ZMAT4: variants seen among roughly 807,000 people sequenced by gnomAD.
ZMAT4 encodes the protein zinc finger matrin-type 4.
Under a neutral mutation model 28.7 loss-of-function variants are expected in ZMAT4, and 17 were observed. The observed-to-expected ratio is 0.59, with a 90% CI of 0.41 to 0.89. ZMAT4 has a LOEUF of 0.89. Among genes scored for constraint, ZMAT4 ranks in the 40% least tolerant of loss-of-function variants. The pLI is 0.00. For synonymous variants in ZMAT4, 117 were observed against 109.2 expected (o/e 1.07, Z -0.44); for missense variants, 240 against 283.8 (o/e 0.85, Z 1.11).
intron 6 of ZMAT4, among the ~76,000 whole-genome samples, chr8:40,565,870 C>T (rs1302760733): frequency 2.0e-5 from 3 of 151,848 alleles, no homozygotes; most frequent in African/African-American, 4.8e-5. Context: ...ACACCACACT[C>T]CTGACAGCTG....
chr8:40,842,652 T>A (rs1383760481), intron 1 of ZMAT4, among the ~76,000 whole-genome samples: 1 of 152,206 alleles, frequency 6.6e-6, no homozygotes, highest in Non-Finnish European at 1.5e-5. Context: ...CATGAACAAC[T>A]AGGCACTTCT....
At chr8:40,763,114 T>C (rs1204241815) in intron 3 of ZMAT4, among the ~76,000 whole-genome samples, 1 of 152,206 alleles carries the variant, frequency 6.6e-6, no homozygotes, top group Non-Finnish European at 1.5e-5. Context: ...CCCTTCACCA[T>C]GCCCAGGCAT....
chr8:40,660,173 C>G (rs1468835305), intron 5 of ZMAT4, among the ~76,000 whole-genome samples: 1 of 152,162 alleles, frequency 6.6e-6, no homozygotes, highest in Non-Finnish European at 1.5e-5. Flanking sequence ...TAGGAACCCA[C>G]TTATCTAATG....
chr8:40,538,630 C>A (rs1802924366), intron 6 of ZMAT4, among the ~76,000 whole-genome samples: 1 of 152,192 alleles, frequency 6.6e-6, no homozygotes, highest in Admixed American at 6.5e-5. Flanking sequence ...CTCTTCTATT[C>A]ACTTACAGAA....
intron 5 of ZMAT4, among the ~76,000 whole-genome samples, chr8:40,661,606 T>G (rs1808199138): frequency 6.6e-6 from 1 of 152,178 alleles, no homozygotes; most frequent in Non-Finnish European, 1.5e-5. Flanking sequence ...GGAGTTAAAG[T>G]TATAATTTTA....
Position 40,777,174 on chromosome 8 carries a change from T to C in ZMAT4, c.103-9444A>G, listed in dbSNP as rs557427301. 6.6e-5 allele frequency among the ~76,000 whole-genome samples: 10 copies of C among 152,264 alleles called. No individual in the cohort carries two copies. The South Asian group carries it at 1.7e-3, about 25-fold the overall frequency. ...GGAAGGATAACAGGGATAGCAGCAA[T>C]ACTTAAAAACAAGATATTACAAAAT... On this transcript the variant is annotated intron_variant, in intron 2 of 6. Transcript: ENST00000297737.
chr8:40,835,847 C>A (rs531254910), intron 1 of ZMAT4, among the ~76,000 whole-genome samples: 1 of 152,198 alleles, frequency 6.6e-6, no homozygotes. Flanking sequence ...TCTCCTCTAC[C>A]GCATATTAAC....
intron 6 of ZMAT4, among the ~76,000 whole-genome samples, chr8:40,556,684 A>G (rs1457376595): frequency 6.6e-6 from 1 of 152,194 alleles, no homozygotes; most frequent in Non-Finnish European, 1.5e-5. Context: ...TGACTGCACC[A>G]CATGTAGAAT....
intron 5 of ZMAT4, among the ~76,000 whole-genome samples, chr8:40,648,400 G>A (rs546906406): frequency 1.1e-3 from 167 of 149,780 alleles, no homozygotes; most frequent in African/African-American, 3.9e-3. Flanking sequence ...AATGAGCAAA[G>A]CCTCCAAGAA....
At chr8:40,693,209 C>T (rs1809729576) in intron 4 of ZMAT4, among the ~76,000 whole-genome samples, 1 of 152,104 alleles carries the variant, frequency 6.6e-6, no homozygotes, top group Non-Finnish European at 1.5e-5. Flanking sequence ...ATCAACCTCC[C>T]AGGCTAAATC....
At chr8:40,756,800 T>A (rs1206630644) in intron 3 of ZMAT4, among the ~76,000 whole-genome samples, 1 of 152,060 alleles carries the variant, frequency 6.6e-6, no homozygotes, top group Non-Finnish European at 1.5e-5. Context: ...CATTTTCAAC[T>A]GATCAATATG....
At chr8:40,577,108 C>T (rs375694224) in intron 6 of ZMAT4, among the ~76,000 whole-genome samples, 6 of 152,082 alleles carry the variant, frequency 3.9e-5, no homozygotes, top group East Asian at 3.9e-4. Flanking sequence ...ACAGGAGAAT[C>T]GCTTGAACAC....
chr8:40,620,559 T>C (rs1216560833), intron 5 of ZMAT4, among the ~76,000 whole-genome samples: 2 of 152,224 alleles, frequency 1.3e-5, no homozygotes, highest in East Asian at 1.9e-4. Flanking sequence ...AGAGAGACCA[T>C]TGTCAGATTT....
intron 5 of ZMAT4, among the ~76,000 whole-genome samples, chr8:40,607,117 CTTTTTTTTT>C (rs71544299): frequency 1.2e-4 from 8 of 65,722 alleles, no homozygotes; most frequent in South Asian, 6.4e-4. Flanking sequence ...TATCTTGTAT[CTTTTTTTTT>C]TTTTTTTTTT....
At chr8:40,875,483 T>C (rs933241981) in intron 1 of ZMAT4, among the ~76,000 whole-genome samples, 2 of 152,152 alleles carry the variant, frequency 1.3e-5, no homozygotes, top group African/African-American at 4.8e-5. Context: ...ATACAGCATA[T>C]TGGTGCTTGC....
chr8:40,589,830 C>T (rs1243931134), intron 5 of ZMAT4, among the ~76,000 whole-genome samples: 2 of 136,394 alleles, frequency 1.5e-5, no homozygotes, highest in African/African-American at 5.6e-5. Flanking sequence ...ATTTCCTTCC[C>T]TTCCTTTCTT....
chr8:40,576,378 T>C (rs1412272936), intron 6 of ZMAT4, among the ~76,000 whole-genome samples: 1 of 150,862 alleles, frequency 6.6e-6, no homozygotes, highest in Non-Finnish European at 1.5e-5. Context: ...GGTCAAACTG[T>C]CAAAAGTCAA....
chr8:40,791,320 C>T (rs994320839), intron 2 of ZMAT4, among the ~76,000 whole-genome samples: 5 of 152,254 alleles, frequency 3.3e-5, no homozygotes, highest in African/African-American at 9.6e-5. Flanking sequence ...AACATGGAAG[C>T]GCTCCTAGGA....
intron 5 of ZMAT4, among the ~76,000 whole-genome samples, chr8:40,640,945 G>T (rs1175126160): frequency 1.4e-5 from 2 of 146,708 alleles, no homozygotes; most frequent in Non-Finnish European, 3.0e-5. Flanking sequence ...GTTGATGGGG[G>T]AGACTCCATC....
Sources: allele counts gnomAD v4.1 joint callset (sites outside exome capture counted in the v4.1 genomes callset), GRCh38; gene constraint gnomAD v4.1.1; transcripts MANE v1.5; gene names NCBI Gene and HGNC (gene_info 2026-07-23, HGNC 2026-07-21).